The following KIR3DL2 variants were observed in gnomAD, a reference collection of about 807,000 sequenced individuals.
KIR3DL2 encodes the protein killer cell immunoglobulin like receptor, three Ig domains and long cytoplasmic tail 2, also known as killer cell immunoglobulin-like receptor 3DL2.
In KIR3DL2, 42 loss-of-function variants were observed where a neutral mutation model predicts 41.6. That is an observed-to-expected ratio of 1.01 (90% CI 0.79 to 1.31). KIR3DL2 has a LOEUF of 1.31. Ranked by LOEUF, KIR3DL2 falls within the 50% of genes most tolerant of loss-of-function variation. The pLI is 0.00. For missense variants in KIR3DL2, 728 were observed against 576.8 expected, an observed-to-expected ratio of 1.26 and a Z score of -2.68; for synonymous variants, 230 against 221.3, an observed-to-expected ratio of 1.04 and a Z score of -0.35.
intron 6 of KIR3DL2, among the ~76,000 whole-genome samples, chr19:54,862,761 AT>A: frequency 7.6e-6 from 1 of 131,646 alleles, no homozygotes; most frequent in South Asian, 2.3e-4. Context: ...GTCTTAGTCC[AT>A]TTTTGTTGCT....
At chr19:54,856,078 C>G (rs1446096077) in intron 5 of KIR3DL2, among the ~76,000 whole-genome samples, 166 bp downstream of exon 5, 1 of 151,614 alleles carries the variant, frequency 6.6e-6, no homozygotes. Context: ...CCTCCAAACC[C>G]TCTTGCATGG....
chr19:54,855,652 C>G lies in KIR3DL2; in HGVS notation c.689C>G (p.Pro230Arg). The G allele has an allele frequency of 1.2e-6, 2 of 1,613,482 alleles. 1 individual carries two copies. The highest frequency in any genetic ancestry group is 1.7e-6 in the Non-Finnish European group (2 of 1,179,936). ...GAGAAACCTTCTCTCTCAGCCCAGC[C>G]GGGCCCCACGGTTCAGGCAGGAGAG... ...LYEKPSLSAQ[P>R]GPTVQAGENV... The change falls in exon 5 of 9, where the codon CCG (proline) becomes CGG (arginine). Residue 230 changes from proline to arginine, a missense_variant. Physicochemically the swap from Pro to Arg is moderately radical, Grantham distance 103. Coordinates refer to ENST00000326321, the MANE Select transcript of KIR3DL2 (RefSeq NM_006737.4).
At chr19:54,865,946 C>T in intron 7 of KIR3DL2, 37 bp downstream of exon 7, 1 of 1,569,276 alleles carries the variant, frequency 6.4e-7, no homozygotes, top group Non-Finnish European at 8.8e-7. Context: ...GAGCTCAGGG[C>T]CATGTGGGGA....
At chr19:54,860,161 G>A (rs2065072208) in intron 6 of KIR3DL2, among the ~76,000 whole-genome samples, 1 of 151,966 alleles carries the variant, frequency 6.6e-6, no homozygotes. Context: ...ATATTCACAA[G>A]CTATGGAGGC....
intron 1 of KIR3DL2, among the ~76,000 whole-genome samples, chr19:54,850,799 A>AGTGGAGATATGGGTCTGAT: frequency 2.4e-5 from 1 of 41,816 alleles, no homozygotes; most frequent in East Asian, 1.6e-3. Flanking sequence ...CTGGGCCTGG[A>AGTGGAGATATGGGTCTGAT]GTGGAGATAT....
At chr19:54,861,321 AG>A in intron 6 of KIR3DL2, among the ~76,000 whole-genome samples, 1 of 151,936 alleles carries the variant, frequency 6.6e-6, no homozygotes, top group Non-Finnish European at 1.5e-5. Flanking sequence ...GAGCTAGATG[AG>A]GGGTGGTGCA....
At chr19:54,853,656 A>C in intron 3 of KIR3DL2, 91 bp from the exon 4 acceptor site, 1 of 1,444,012 alleles carries the variant, frequency 6.9e-7, no homozygotes, top group Non-Finnish European at 9.6e-7. Flanking sequence ...AGAGAGACAG[A>C]CCTCTGGGAG....
At chr19:54,862,646 A>G (rs182458164) in intron 6 of KIR3DL2, among the ~76,000 whole-genome samples, 11 of 152,102 alleles carry the variant, frequency 7.2e-5, no homozygotes, top group African/African-American at 2.6e-4. Flanking sequence ...CCCTGAAGCC[A>G]CAGGAAGCAC....
At chr19:54,858,212 A>T (rs1292648032) in intron 5 of KIR3DL2, among the ~76,000 whole-genome samples, 1 of 150,028 alleles carries the variant, frequency 6.7e-6, no homozygotes, top group African/African-American at 2.5e-5. Context: ...TTTTAAACAA[A>T]ATGTCTTTCA....
At chr19:54,862,718 C>G (rs1304762670) in intron 6 of KIR3DL2, among the ~76,000 whole-genome samples, 1 of 150,586 alleles carries the variant, frequency 6.6e-6, no homozygotes, top group Non-Finnish European at 1.5e-5. Context: ...ACAGGCTGTT[C>G]TGAGACGTTC....
chr19:54,858,042 G>A (rs2064919382), intron 5 of KIR3DL2, among the ~76,000 whole-genome samples: 1 of 151,608 alleles, frequency 6.6e-6, no homozygotes, highest in South Asian at 2.1e-4. Context: ...TATATTTCCA[G>A]TTATTAATCC....
intron 2 of KIR3DL2, 86 bp from the exon 3 acceptor site, chr19:54,851,912 G>T: frequency 6.5e-7 from 1 of 1,535,004 alleles, no homozygotes; most frequent in Non-Finnish European, 8.9e-7. Context: ...GCCTTAGAAA[G>T]CGGAAATGGG....
At chr19:54,859,365 C>T (rs1230477425) in intron 6 of KIR3DL2, among the ~76,000 whole-genome samples, 1 of 152,062 alleles carries the variant, frequency 6.6e-6, no homozygotes, top group African/African-American at 2.4e-5. Context: ...AGAATAATTG[C>T]CAATCTGACA....
At chr19:54,860,021 T>C (rs372551055) in intron 6 of KIR3DL2, among the ~76,000 whole-genome samples, 2 of 152,034 alleles carry the variant, frequency 1.3e-5, no homozygotes, top group African/African-American at 2.4e-5. Flanking sequence ...GGGGATTCTA[T>C]TGGGTTCACC....
Position 54,866,935 on chromosome 19 carries a change from T to A in KIR3DL2, c.*204T>A. 1.6e-6 allele frequency: 1 copy of A among 622,148 alleles called. No individual in the cohort carries two copies. Among genetic ancestry groups the A allele is most frequent in the Non-Finnish European group, 2.7e-6 (1 of 369,832 alleles). 38.5% of individuals were successfully genotyped at this position (622,148 alleles called of 1,614,324 possible). ...CTCCTTTGCTTAGCCCACAAGTATC[T>A]ATTTCACTTGACCCCTGCCCACCTC... On this transcript the variant is annotated 3_prime_UTR_variant, in exon 9 of 9. Coordinates refer to ENST00000326321, the MANE Select transcript of KIR3DL2 (RefSeq NM_006737.4).
chr19:54,866,872 T>C lies in KIR3DL2; in HGVS notation c.*141T>C, dbSNP rs2065571783. 15 of 982,680 alleles carry C rather than the reference T, an allele frequency of 1.5e-5. No individual in the cohort carries two copies. Among genetic ancestry groups the C allele is most frequent in the Non-Finnish European group, 2.3e-5 (15 of 651,140 alleles). 60.9% of individuals were successfully genotyped at this position (982,680 alleles called of 1,614,324 possible). A position where few individuals can be genotyped will look rare whatever the true frequency, so the allele number is the denominator to read the frequency against. The stretch of plus-strand genomic sequence containing the variant: ...AACATGCCTCTCTCTTGCTTACAAA[T>C]GCCTAAGGTCGCCACTGCCTGCTGC... On this transcript the variant is annotated 3_prime_UTR_variant, in exon 9 of 9. Coordinates refer to ENST00000326321, the MANE Select transcript of KIR3DL2 (RefSeq NM_006737.4).
rs567656836 is a variant in KIR3DL2, at chr19:54,856,064, G to A, written c.949+152G>A. 72 of 1,022,342 alleles carry A rather than the reference G, an allele frequency of 7.0e-5. No individual in the cohort carries two copies. The South Asian group carries it at 1.1e-3, about 15-fold the overall frequency. The allele number at this position is 1,022,342 out of a possible 1,614,324, so 63.3% of individuals were successfully genotyped here. Reference sequence around the variant, plus strand: ...GGTCAGGGTGCAGGATGGCAGACAGGGCACCTCCAAACCCTCTTGCATGGC... The same window carrying A: ...GGTCAGGGTGCAGGATGGCAGACAGAGCACCTCCAAACCCTCTTGCATGGC... On this transcript the variant is annotated intron_variant, in intron 5 of 8. Coordinates refer to ENST00000326321, the MANE Select transcript of KIR3DL2 (RefSeq NM_006737.4).
chr19:54,852,028 G>A lies in KIR3DL2; in HGVS notation c.101G>A (p.Arg34Gln), dbSNP rs750759932. The A allele has an allele frequency of 3.1e-5, 50 of 1,611,192 alleles. No individual in the cohort carries two copies. Among genetic ancestry groups the A allele is most frequent in the Middle Eastern group, 1.7e-4 (1 of 6,060 alleles). ...GGQDKPFLSA[R>Q]PSTVVPRGGH... ...CAGGACAAACCCTTCCTGTCTGCCC[G>A]GCCCAGCACTGTGGTGCCTCGAGGA... Residue 34 changes from arginine (R) to glutamine (Q), a missense_variant, in exon 3 of 9, where the codon CGG (arginine) becomes CAG (glutamine). Coordinates refer to ENST00000326321, the MANE Select transcript of KIR3DL2 (RefSeq NM_006737.4).
At chr19:54,851,484 G>A (rs2145551324) in intron 2 of KIR3DL2, among the ~76,000 whole-genome samples, 1 of 151,448 alleles carries the variant, frequency 6.6e-6, no homozygotes, top group African/African-American at 2.4e-5. Flanking sequence ...GGTGTGCAGG[G>A]AGGAAGTGGT....
Sources: allele counts gnomAD v4.1 joint callset (sites outside exome capture counted in the v4.1 genomes callset), GRCh38; gene constraint gnomAD v4.1.1; transcripts MANE v1.5; gene names NCBI Gene and HGNC (gene_info 2026-07-23, HGNC 2026-07-21).